The following CDH18 variants were observed in gnomAD, a reference collection of about 807,000 sequenced individuals.
CDH18 encodes the protein cadherin 18.
In CDH18, 31 loss-of-function variants were observed where a neutral mutation model predicts 67.9. The ratio of observed to expected loss-of-function variants is 0.46; its 90% CI spans 0.34 to 0.62. The LOEUF is 0.62. CDH18 is among the 20% of genes least tolerant of loss of function. The pLI, the probability that CDH18 is intolerant of heterozygous loss-of-function variation, is 0.01. For synonymous variants in CDH18, 362 were observed against 347.2 expected, an observed-to-expected ratio of 1.04 and a Z score of -0.48; for missense variants, 890 against 975.5, an observed-to-expected ratio of 0.91 and a Z score of 1.17.
At chr5:20,355,462 C>A (rs987139506) in intron 1 of CDH18, among the ~76,000 whole-genome samples, 1 of 152,130 alleles carries the variant, frequency 6.6e-6, no homozygotes, top group Non-Finnish European at 1.5e-5. Flanking sequence ...AAGTACAATA[C>A]CCTGCTTGAA....
intron 2 of CDH18, among the ~76,000 whole-genome samples, chr5:19,888,525 A>G (rs1012506935): frequency 6.6e-6 from 1 of 151,982 alleles, no homozygotes; most frequent in African/African-American, 2.4e-5. Context: ...ATAAATTTAT[A>G]TATATGTAGT....
At chr5:19,787,639 G>A (rs1179567974) in intron 3 of CDH18, among the ~76,000 whole-genome samples, 1 of 151,778 alleles carries the variant, frequency 6.6e-6, no homozygotes, top group African/African-American at 2.4e-5. Flanking sequence ...AAAGATAAAA[G>A]TTAATCATGA....
At chr5:19,731,637 CAAAT>C (rs964949107) in intron 4 of CDH18, among the ~76,000 whole-genome samples, 5 of 152,268 alleles carry the variant, frequency 3.3e-5, no homozygotes, top group African/African-American at 1.2e-4. Flanking sequence ...TAGAACCTGA[CAAAT>C]ACATATATAC....
At chr5:20,221,963 T>A (rs980279815) in intron 2 of CDH18, among the ~76,000 whole-genome samples, 1 of 152,160 alleles carries the variant, frequency 6.6e-6, no homozygotes, top group Non-Finnish European at 1.5e-5. Context: ...CTCACTAATC[T>A]ACATCTGTGA....
intron 3 of CDH18, among the ~76,000 whole-genome samples, chr5:19,826,519 C>T (rs1481758532): frequency 6.6e-6 from 1 of 152,164 alleles, no homozygotes; most frequent in Non-Finnish European, 1.5e-5. Context: ...ATCAGGCTAA[C>T]AGTGAACATT....
intron 2 of CDH18, among the ~76,000 whole-genome samples, chr5:19,851,302 T>G (rs529911066): frequency 6.6e-6 from 1 of 151,574 alleles, no homozygotes; most frequent in Admixed American, 6.6e-5. Flanking sequence ...AGGTCTATAT[T>G]TTTGTTCTTA....
chr5:19,991,404 A>T (rs76514986), upstream of CDH18, among the ~76,000 whole-genome samples: 343 of 152,236 alleles, frequency 2.3e-3, 7 homozygotes, highest in East Asian at 0.061. Flanking sequence ...ATGTGAAATG[A>T]TCATCTTATA....
intron 8 of CDH18, among the ~76,000 whole-genome samples, chr5:19,549,251 T>C (rs1297361932): frequency 6.6e-6 from 1 of 152,096 alleles, no homozygotes; most frequent in Non-Finnish European, 1.5e-5. Context: ...CTCTCAGTAG[T>C]TCATGCAAAA....
intron 5 of CDH18, among the ~76,000 whole-genome samples, chr5:19,620,174 T>C (rs1206511874): frequency 6.6e-6 from 1 of 152,202 alleles, no homozygotes; most frequent in Non-Finnish European, 1.5e-5. Flanking sequence ...TTTCTCTTCC[T>C]ACCATGAAAA....
chr5:19,872,751 G>A (rs1786467096), intron 2 of CDH18, among the ~76,000 whole-genome samples: 1 of 152,118 alleles, frequency 6.6e-6, no homozygotes, highest in South Asian at 2.1e-4. Context: ...AAACTGAGAT[G>A]TAATAAATAG....
chr5:20,521,693 A>G (rs184906947), intron 1 of CDH18, among the ~76,000 whole-genome samples: 1 of 152,230 alleles, frequency 6.6e-6, no homozygotes, highest in Admixed American at 6.6e-5. Flanking sequence ...GGCTGATTAC[A>G]ATAACTCAGC....
chr5:20,176,980 G>C lies in CDH18; in HGVS notation c.-518+78464C>G, dbSNP rs1190477557. On this transcript the variant is annotated intron_variant, in intron 2 of 14. Transcript: ENST00000507958. Reference sequence around the variant, plus strand: ...ATGTTTTTTCTCTGATATTATAACAGAGAATTATTCTAAGTAATTCCTTTT... The same window carrying C: ...ATGTTTTTTCTCTGATATTATAACACAGAATTATTCTAAGTAATTCCTTTT... Among the ~76,000 whole-genome samples, 3 of 152,182 alleles carry C rather than the reference G, an allele frequency of 2.0e-5. No individual in the cohort carries two copies. The East Asian group carries it at 5.8e-4, about 29-fold the overall frequency.
intron 5 of CDH18, among the ~76,000 whole-genome samples, chr5:19,718,667 T>G (rs1765633787): frequency 6.6e-6 from 1 of 151,986 alleles, no homozygotes; most frequent in Non-Finnish European, 1.5e-5. Context: ...TTAAAAACAC[T>G]TTTGTTCCTT....
intron 2 of CDH18, among the ~76,000 whole-genome samples, chr5:20,180,800 A>G (rs1422847962): frequency 1.3e-5 from 2 of 151,376 alleles, no homozygotes; most frequent in African/African-American, 4.8e-5. Flanking sequence ...CGATCCACCT[A>G]GGAACAAAGA....
rs372139192 is a variant in CDH18 at position 20,253,079 on chromosome 5, G to T, written c.-518+2365C>A. ...TGCAACCATCTCATGCAGCGGGGTC[G>T]TAGCCTAGCTACCAGCCATTACACT... On this transcript the variant is annotated intron_variant, in intron 2 of 14. Coordinates refer to the CDH18 transcript ENST00000507958. Among the ~76,000 whole-genome samples the T allele has an allele frequency of 3.7e-4, 56 of 152,200 alleles. 1 individual carries two copies. The South Asian group carries it at 0.012, about 32-fold the overall frequency.
At chr5:19,583,012 A>C (rs1213519315) in intron 7 of CDH18, among the ~76,000 whole-genome samples, 1 of 152,014 alleles carries the variant, frequency 6.6e-6, no homozygotes, top group Non-Finnish European at 1.5e-5. Flanking sequence ...TATAACTTTC[A>C]GTGTTTACTC....
At chr5:19,941,748 C>T (rs1579711604) in intron 2 of CDH18, among the ~76,000 whole-genome samples, 1 of 152,036 alleles carries the variant, frequency 6.6e-6, no homozygotes, top group Non-Finnish European at 1.5e-5. Flanking sequence ...GATTGTGTCA[C>T]TGCACACCAT....
intron 5 of CDH18, among the ~76,000 whole-genome samples, chr5:19,677,376 C>A (rs62351320): frequency 2.0e-5 from 3 of 151,934 alleles, no homozygotes; most frequent in Non-Finnish European, 4.4e-5. Flanking sequence ...TCATTACCAC[C>A]AGAACTGCCT....
chr5:19,876,997 G>GA (rs1358227389), intron 2 of CDH18, among the ~76,000 whole-genome samples: 1 of 152,022 alleles, frequency 6.6e-6, no homozygotes, highest in African/African-American at 2.4e-5. Context: ...TGAACACACA[G>GA]AAAAAATTGA....
Sources: gnomAD v4.1 joint callset for allele counts (sites outside exome capture counted in the v4.1 genomes callset) on GRCh38, gnomAD v4.1.1 for gene constraint, MANE v1.5 for transcripts, NCBI Gene and HGNC (gene_info 2026-07-23, HGNC 2026-07-21) for gene names.